Variants in LMF1 observed in about 807,000 individuals in gnomAD.
LMF1 encodes lipase maturation factor 1, also known as transmembrane protein 112.
LMF1 carries 68 observed loss-of-function variants against 60.6 expected under a neutral mutation model. The ratio of observed to expected loss-of-function variants is 1.12; its 90% confidence interval spans 0.92 to 1.37. LMF1 has a LOEUF of 1.37. LMF1 is among the 40% of genes most tolerant of loss of function. The pLI is 0.00. For missense variants in LMF1, 948 were observed against 767.2 expected (o/e 1.24, Z -2.78); for synonymous variants, 418 against 324.7 (o/e 1.29, Z -3.09).
intron 1 of LMF1, among the ~76,000 whole-genome samples, chr16:956,053 G>A (rs113206791): frequency 2.6e-5 from 3 of 116,756 alleles, no homozygotes; most frequent in South Asian, 5.9e-4. Flanking sequence ...GTCTCACGGC[G>A]CCCACCGCAC....
intron 5 of LMF1, among the ~76,000 whole-genome samples, chr16:888,677 C>T (rs568938330): frequency 7.9e-4 from 121 of 152,332 alleles, no homozygotes; most frequent in Admixed American, 1.0e-3. Context: ...TTCTGGACGG[C>T]GCCCGTCCCT....
Position 957,679 on chromosome 16 carries a change from T to C in LMF1, c.194-3013A>G, listed in dbSNP as rs1183263810. Among the ~76,000 whole-genome samples, 4 of 152,084 alleles carry C rather than the reference T, an allele frequency of 2.6e-5. No homozygotes were observed. The East Asian group carries it at 5.8e-4, about 22-fold the overall frequency. ...GACTCATGTTACCCAATTTCAAGAC[T>C]TACTAAAAAGCTAATCAAGACCACA... On this transcript the variant is annotated intron_variant, in intron 1 of 10. Transcript: ENST00000262301.
At chr16:869,835 G>C in intron 9 of LMF1, 48 bp downstream of exon 9, 4 of 1,573,476 alleles carry the variant, frequency 2.5e-6, no homozygotes, top group South Asian at 1.1e-5. Flanking sequence ...GGGCAGAAGA[G>C]GGTGGGGTAC....
intron 10 of LMF1, among the ~76,000 whole-genome samples, chr16:862,255 A>C (rs2069487836): frequency 6.6e-6 from 1 of 151,314 alleles, no homozygotes; most frequent in African/African-American, 2.4e-5. Flanking sequence ...TGCTTACTGC[A>C]ACCTCCACCT....
At chr16:917,809 C>T (rs2071324087) in intron 3 of LMF1, among the ~76,000 whole-genome samples, 1 of 152,242 alleles carries the variant, frequency 6.6e-6, no homozygotes, top group Admixed American at 6.5e-5. Flanking sequence ...TCCTTCCCTC[C>T]TCTGGGATTG....
chr16:946,763 T>C (rs1365635558), intron 2 of LMF1, among the ~76,000 whole-genome samples: 1 of 152,188 alleles, frequency 6.6e-6, no homozygotes, highest in Admixed American at 6.5e-5. Context: ...TTCCTCTGCC[T>C]CTCAAGGGAC....
At chr16:864,061 G>A (rs1183514121) in intron 10 of LMF1, among the ~76,000 whole-genome samples, 88 of 152,174 alleles carry the variant, frequency 5.8e-4, no homozygotes, top group Non-Finnish European at 2.2e-4. Context: ...ACATCCAGCC[G>A]TAATTGTTGA....
Position 870,743 on chromosome 16 carries a change from G to C in LMF1, c.1218C>G (p.Tyr406Ter), listed in dbSNP as rs751808733. 1.2e-6 allele frequency: 2 copies of C among 1,612,918 alleles called. No individual in the cohort carries two copies. The highest frequency in any genetic ancestry group is 1.3e-5 in the African/African-American group (1 of 75,038). The change falls in exon 8 of 11, where the codon TAC becomes TAG. Residue 406 changes from tyrosine (Y) to a stop codon, truncating the protein, a stop_gained. Coordinates refer to ENST00000262301, the MANE Select transcript of LMF1 (RefSeq NM_022773.4). LOFTEE classifies it high-confidence loss of function. ...CAGGCTCATACCTTCCGAAGGCCCC[G>C]TAAGTGTTGACGATGTGAAGAGAGT... ...HFNSLHIVNT[Y>*]GAFGSITKER...
chr16:896,555 G>A (rs1237352905), intron 4 of LMF1, among the ~76,000 whole-genome samples: 1 of 152,240 alleles, frequency 6.6e-6, no homozygotes, highest in Non-Finnish European at 1.5e-5. Context: ...TCTGCAAACA[G>A]GCATGAAAAC....
At chr16:954,159 G>T in intron 2 of LMF1, 198 bp downstream of exon 2, 2 of 703,190 alleles carry the variant, frequency 2.8e-6, no homozygotes, top group Non-Finnish European at 5.1e-6. Context: ...AAGAGGTGGG[G>T]TTTTAATCCT....
At chr16:910,342 C>T (rs2071075889) in intron 4 of LMF1, among the ~76,000 whole-genome samples, 1 of 152,164 alleles carries the variant, frequency 6.6e-6, no homozygotes, top group South Asian at 2.1e-4. Context: ...AGGGAACCCG[C>T]CACCCCCACC....
intron 1 of LMF1, among the ~76,000 whole-genome samples, chr16:965,268 C>G (rs1472463540): frequency 6.6e-6 from 1 of 151,968 alleles, no homozygotes; most frequent in Non-Finnish European, 1.5e-5. Context: ...GCCCACGCTA[C>G]GAAGCTAGAC....
chr16:917,168 G>T (rs2071300692), intron 3 of LMF1, among the ~76,000 whole-genome samples: 1 of 152,192 alleles, frequency 6.6e-6, no homozygotes, highest in Admixed American at 6.5e-5. Context: ...TCTCATGCCG[G>T]TACCATGGGG....
intron 3 of LMF1, among the ~76,000 whole-genome samples, chr16:914,197 C>T (rs2071202994): frequency 6.6e-6 from 1 of 152,014 alleles, no homozygotes; most frequent in African/African-American, 2.4e-5. Context: ...AACATCTCCA[C>T]CACTGCAACC....
chr16:854,926 G>A, intron 10 of LMF1: 3 of 598,960 alleles, frequency 5.0e-6, no homozygotes, highest in Non-Finnish European at 9.0e-6. Flanking sequence ...CAGCAAGGGG[G>A]AAGGGCGGAC....
At chr16:932,363 C>T (rs568038910) in intron 3 of LMF1, among the ~76,000 whole-genome samples, 10 of 152,332 alleles carry the variant, frequency 6.6e-5, no homozygotes, top group African/African-American at 2.4e-4. Context: ...AGCCGCTGCC[C>T]CCCGAGCCTG....
intron 2 of LMF1, among the ~76,000 whole-genome samples, chr16:935,546 C>T (rs947618935): frequency 2.1e-5 from 3 of 146,024 alleles, no homozygotes; most frequent in Non-Finnish European, 4.4e-5. Context: ...ATAAAATATA[C>T]TAACACTAGT....
intron 2 of LMF1, among the ~76,000 whole-genome samples, chr16:948,890 GCCAACGACAGAGTC>G (rs1388610347): frequency 1.3e-4 from 12 of 92,562 alleles, no homozygotes; most frequent in African/African-American, 6.7e-4. Context: ...GACAGAGTCA[GCCAACGACAGAGTC>G]AGCCAACGAC....
intron 1 of LMF1, among the ~76,000 whole-genome samples, chr16:978,164 A>C (rs1280690596): frequency 2.7e-5 from 4 of 148,692 alleles, no homozygotes; most frequent in Non-Finnish European, 6.0e-5. Flanking sequence ...ACACACACAC[A>C]CCACACACCA....
Sources: allele counts gnomAD v4.1 joint callset (sites outside exome capture counted in the v4.1 genomes callset), GRCh38; gene constraint gnomAD v4.1.1; transcripts MANE v1.5; gene names NCBI Gene and HGNC (gene_info 2026-07-23, HGNC 2026-07-21).